The following DMD variants were observed in gnomAD, a reference collection of about 807,000 sequenced individuals.
DMD encodes the protein dystrophin.
Under a neutral mutation model 330.1 loss-of-function variants are expected in DMD, and 63 were observed. The observed-to-expected ratio is 0.19, with a 90% confidence interval of 0.16 to 0.24. The LOEUF is 0.24. Among genes scored for constraint, DMD ranks in the 10% least tolerant of loss-of-function variants. The probability of loss-of-function intolerance (pLI) is 1.00; values close to 1 mark genes in which losing one functional copy is unlikely to be tolerated. For missense variants in DMD, 3,344 were observed against 2,684.1 expected (o/e 1.25, Z -5.43); for synonymous variants, 1,223 against 959.8 (o/e 1.27, Z -5.07).
chrX:31,155,374 T>C (rs896313449), intron 74 of DMD, among the ~76,000 whole-genome samples: 1 of 112,687 alleles, frequency 8.9e-6, no homozygotes, highest in Non-Finnish European at 1.9e-5. Context: ...GTGATCAATG[T>C]TTTCTTAACA....
intron 51 of DMD, among the ~76,000 whole-genome samples, chrX:31,750,751 T>C (rs1209448587): frequency 3.5e-4 from 38 of 107,524 alleles, no homozygotes; most frequent in Non-Finnish European, 5.8e-4. Context: ...AAAACCCCAT[T>C]GTCTCAGCCC....
At chrX:32,626,811 A>G (rs1156247988) in intron 11 of DMD, among the ~76,000 whole-genome samples, 1 of 104,342 alleles carries the variant, frequency 9.6e-6, no homozygotes, top group Non-Finnish European at 1.9e-5. Flanking sequence ...AAAGTATAAT[A>G]ATAATAATAA....
chrX:32,422,916 AAG>A (rs1278115611), intron 29 of DMD, among the ~76,000 whole-genome samples: 2 of 111,590 alleles, frequency 1.8e-5, no homozygotes, highest in African/African-American at 6.5e-5. Context: ...CGTAAGATGA[AAG>A]AGAGAGATGA....
rs2052160008 is a variant in DMD at position 33,220,808 on chromosome X, G to C, written c.7+118451C>G. Among the ~76,000 whole-genome samples the C allele has an allele frequency of 4.5e-5, 5 of 111,213 alleles. No homozygotes were observed. In the Admixed American group the frequency reaches 4.8e-4, roughly 11 times the overall value. ...TAGCTTCTCCTCACTCCCACTCATA[G>C]ATGGGTCTAACAATATGAATGCATC... On this transcript the variant is annotated intron_variant, in intron 1 of 17. Coordinates refer to the DMD transcript ENST00000288447.
At chrX:32,888,150 T>G (rs114001003) in intron 2 of DMD, among the ~76,000 whole-genome samples, 1 of 110,160 alleles carries the variant, frequency 9.1e-6, no homozygotes, top group Admixed American at 9.7e-5. Flanking sequence ...TTTTATTTTT[T>G]ATTTTTTTTA....
chrX:32,521,827 G>C (rs1356841251), intron 17 of DMD, among the ~76,000 whole-genome samples: 1 of 111,870 alleles, frequency 8.9e-6, no homozygotes, highest in Non-Finnish European at 1.9e-5. Context: ...GTATGTTGAA[G>C]CCTAATTCCC....
intron 7 of DMD, among the ~76,000 whole-genome samples, chrX:32,737,355 A>G (rs1359760179): frequency 2.7e-5 from 3 of 111,582 alleles, no homozygotes; most frequent in African/African-American, 6.5e-5. Context: ...TTTTCTATGA[A>G]AATGACTATT....
intron 18 of DMD, among the ~76,000 whole-genome samples, chrX:32,505,787 G>A (rs2044557292): frequency 8.9e-6 from 1 of 111,912 alleles, no homozygotes; most frequent in Non-Finnish European, 1.9e-5. Context: ...TAAATAAACT[G>A]TGAGACATCC....
At chrX:33,218,439 C>T (rs1318231505) in intron 1 of DMD, among the ~76,000 whole-genome samples, 1 of 111,397 alleles carries the variant, frequency 9.0e-6, no homozygotes, top group Non-Finnish European at 1.9e-5. Context: ...CTTCTTCCTT[C>T]GGGCTTTCAT....
At chrX:31,227,859 A>T (rs774982494) in intron 63 of DMD, among the ~76,000 whole-genome samples, 3 of 110,587 alleles carry the variant, frequency 2.7e-5, no homozygotes, top group Non-Finnish European at 3.8e-5. Context: ...AACCAACCCA[A>T]ATGTCCAACA....
chrX:32,758,911 T>G (rs2071866222), intron 7 of DMD, among the ~76,000 whole-genome samples: 1 of 111,382 alleles, frequency 9.0e-6, no homozygotes, highest in South Asian at 3.8e-4. Flanking sequence ...ATGAAAAAAA[T>G]AAAAAAGATA....
intron 1 of DMD, among the ~76,000 whole-genome samples, chrX:33,231,106 ATTTAG>A (rs1221058231): frequency 9.0e-6 from 1 of 111,704 alleles, no homozygotes; most frequent in Admixed American, 9.6e-5. Context: ...TAGTAACTGA[ATTTAG>A]TTTAGTTTTG....
chrX:32,478,838 A>G (rs1429421509), intron 21 of DMD, among the ~76,000 whole-genome samples: 1 of 111,595 alleles, frequency 9.0e-6, no homozygotes, highest in Non-Finnish European at 1.9e-5. Flanking sequence ...TGAGTGAAAT[A>G]GATGGGTTTA....
chrX:32,343,191 A>T lies in DMD; in HGVS notation c.5682T>A (p.Asp1894Glu), dbSNP rs779574344. Residue 1894 changes from aspartate to glutamate, a missense_variant, in exon 40 of 79, where the codon GAT (aspartate) becomes GAA (glutamate). Coordinates refer to ENST00000357033, the MANE Select transcript of DMD (RefSeq NM_004006.3). ...RQADDLLKCL[D>E]DIEKKLASLP... ...GGCTGGCTAATTTTTTTTCAATGTC[A>T]TCCAAGCATTTCAGGAGATCATCAG... The T allele has an allele frequency of 1.7e-6, 2 of 1,210,312 alleles. No homozygotes were observed. Among genetic ancestry groups the T allele is most frequent in the South Asian group, 3.5e-5 (2 of 56,960 alleles).
At chrX:32,999,594 G>A in intron 2 of DMD, among the ~76,000 whole-genome samples, 1 of 110,679 alleles carries the variant, frequency 9.0e-6, no homozygotes, top group Middle Eastern at 4.7e-3. Context: ...TGGCTAACAT[G>A]GTGAAACCCC....
intron 67 of DMD, among the ~76,000 whole-genome samples, chrX:31,199,104 G>A (rs2043191646): frequency 8.9e-6 from 1 of 111,796 alleles, no homozygotes; most frequent in Non-Finnish European, 1.9e-5. Context: ...AAAAGGAGAG[G>A]TGCAGAAAAT....
intron 3 of DMD, among the ~76,000 whole-genome samples, chrX:32,846,552 T>C (rs2080687502): frequency 9.1e-6 from 1 of 110,294 alleles, no homozygotes; most frequent in Non-Finnish European, 1.9e-5. Context: ...TAACACAGTA[T>C]TGACATCTTG....
At chrX:33,028,094 G>C (rs777908782) in intron 1 of DMD, among the ~76,000 whole-genome samples, 2 of 112,053 alleles carry the variant, frequency 1.8e-5, no homozygotes, top group Non-Finnish European at 3.8e-5. Flanking sequence ...TCACAGTGTA[G>C]AGAATATTTG....
rs1295270501 is a variant in DMD, at chrX:32,378,691, C to G, written c.4845+1819G>C. Among the ~76,000 whole-genome samples, 2 of 110,506 alleles carry G rather than the reference C, an allele frequency of 1.8e-5. 1 individual carries two copies. Among genetic ancestry groups the G allele is most frequent in the East Asian group, 5.6e-4 (2 of 3,557 alleles). ...TAAAATAATAAAAAAGAAATTGACTCTAGATATTCAAATTTGCTGCAGTCA... is the reference window on the plus strand; with the variant it reads ...TAAAATAATAAAAAAGAAATTGACTGTAGATATTCAAATTTGCTGCAGTCA... On this transcript the variant is annotated intron_variant, in intron 34 of 78. Coordinates refer to ENST00000357033, the MANE Select transcript of DMD (RefSeq NM_004006.3).
Sources: gnomAD v4.1 joint callset for allele counts (sites outside exome capture counted in the v4.1 genomes callset) on GRCh38, gnomAD v4.1.1 for gene constraint, MANE v1.5 for transcripts, NCBI Gene and HGNC (gene_info 2026-07-23, HGNC 2026-07-21) for gene names.